Variants in SYNPR observed in about 807,000 individuals in gnomAD.
The protein encoded by SYNPR is synaptoporin.
Under a neutral mutation model 32.9 loss-of-function variants are expected in SYNPR, and 23 were observed. That is an observed-to-expected ratio of 0.70 (90% CI 0.50 to 0.99). SYNPR has a LOEUF of 0.99. SYNPR is among the 50% of genes least tolerant of loss of function. The probability of loss-of-function intolerance (pLI) is 0.00; values close to 1 mark genes in which losing one functional copy is unlikely to be tolerated. For missense variants in SYNPR, 318 were observed against 349.3 expected (o/e 0.91, Z 0.71); for synonymous variants, 146 against 135.9 (o/e 1.07, Z -0.52).
chr3:63,399,659 A>T (rs2088263103), intron 2 of SYNPR, among the ~76,000 whole-genome samples: 2 of 152,098 alleles, frequency 1.3e-5, no homozygotes, highest in African/African-American at 2.4e-5. Flanking sequence ...ATCTGGGGGG[A>T]TACAAACATT....
Position 63,466,913 on chromosome 3 carries a change from G to A in SYNPR, c.85-13919G>A, listed in dbSNP as rs111441345. Among the ~76,000 whole-genome samples, 1,197 of 152,066 alleles carry A rather than the reference G, an allele frequency of 7.9e-3. 18 individuals carry two copies. The highest frequency in any genetic ancestry group is 0.027 in the African/African-American group (1,108 of 41,500). On this transcript the variant is annotated intron_variant, in intron 2 of 5. Transcript: ENST00000478300. ...GGACTTTGACATGCAAATTTGGGAG[G>A]GATACAAACACTCAGTCCAAAACAA...
At chr3:63,225,189 A>G (rs184376571), upstream of SYNPR, among the ~76,000 whole-genome samples, 1 of 152,308 alleles carries the variant, frequency 6.6e-6, no homozygotes. Flanking sequence ...GGAAGCAGGG[A>G]CTTAATGTAT....
intron 2 of SYNPR, among the ~76,000 whole-genome samples, chr3:63,392,632 A>G (rs751192281): frequency 2.0e-4 from 30 of 152,180 alleles, no homozygotes; most frequent in Non-Finnish European, 1.8e-4. Context: ...GAATTCGGTT[A>G]TACTCCAGAT....
chr3:63,499,356 A>G (rs1302661932), intron 3 of SYNPR, among the ~76,000 whole-genome samples: 1 of 152,116 alleles, frequency 6.6e-6, no homozygotes, highest in Non-Finnish European at 1.5e-5. Flanking sequence ...TATTAGATGC[A>G]ATAGTTTTTT....
rs2106912809 is a variant in SYNPR at position 63,615,581 on chromosome 3, T to C, written c.*100T>C. Reference sequence around the variant, plus strand: ...TTCAATCAATTATTAATGCAGAGAGTATTGAATGTAAATCAGAGCTCTCTA... The same window carrying C: ...TTCAATCAATTATTAATGCAGAGAGCATTGAATGTAAATCAGAGCTCTCTA... On this transcript the variant is annotated 3_prime_UTR_variant, in exon 6 of 6. Coordinates refer to ENST00000478300, the MANE Select transcript of SYNPR (RefSeq NM_001130003.2). 6.9e-7 allele frequency: 1 copy of C among 1,440,402 alleles called. No homozygotes were observed. The highest frequency in any genetic ancestry group is 9.3e-7 in the Non-Finnish European group (1 of 1,075,440). 89.2% of individuals were successfully genotyped at this position (1,440,402 alleles called of 1,614,324 possible). A position where few individuals can be genotyped will look rare whatever the true frequency, so the allele number is the denominator to read the frequency against.
At chr3:63,247,133 A>G (rs2086298429) in intron 1 of SYNPR, among the ~76,000 whole-genome samples, 1 of 152,052 alleles carries the variant, frequency 6.6e-6, no homozygotes. Flanking sequence ...AATGTTAGCT[A>G]TTTTTAGGGG....
At chr3:63,298,205 A>C (rs559204768) in intron 2 of SYNPR, among the ~76,000 whole-genome samples, 5 of 152,282 alleles carry the variant, frequency 3.3e-5, no homozygotes, top group Admixed American at 3.3e-4. Context: ...TACACTCAGG[A>C]ATGAGCAAGG....
At chr3:63,351,203 A>T (rs2087502885) in intron 2 of SYNPR, among the ~76,000 whole-genome samples, 1 of 152,212 alleles carries the variant, frequency 6.6e-6, no homozygotes, top group Non-Finnish European at 1.5e-5. Context: ...CCCTCAGAAC[A>T]GATAAGCACC....
intron 2 of SYNPR, among the ~76,000 whole-genome samples, chr3:63,476,130 G>GA (rs1236601339): frequency 2.6e-5 from 1 of 37,988 alleles, no homozygotes; most frequent in African/African-American, 1.7e-4. Flanking sequence ...AGGAAGGAAG[G>GA]AAGGAAGGAA....
At chr3:63,564,531 T>C (rs988205726) in intron 4 of SYNPR, among the ~76,000 whole-genome samples, 9 of 152,058 alleles carry the variant, frequency 5.9e-5, no homozygotes, top group Admixed American at 5.2e-4. Flanking sequence ...ACCTCCTCAC[T>C]CTCTGAGATA....
chr3:63,299,129 A>C (rs1318063745), intron 2 of SYNPR, among the ~76,000 whole-genome samples: 1 of 152,174 alleles, frequency 6.6e-6, no homozygotes, highest in Non-Finnish European at 1.5e-5. Context: ...TGGGGATTGC[A>C]AGAAGCAATA....
chr3:63,235,157 G>A (rs536493286), intron 1 of SYNPR, among the ~76,000 whole-genome samples: 70 of 152,170 alleles, frequency 4.6e-4, no homozygotes, highest in African/African-American at 1.6e-3. Flanking sequence ...ACAACATTTA[G>A]CATCACCACA....
chr3:63,416,801 T>C (rs145350876), intron 2 of SYNPR, among the ~76,000 whole-genome samples: 4,979 of 152,064 alleles, frequency 0.033, 276 homozygotes, highest in African/African-American at 0.11. Context: ...CCATCAGATC[T>C]CATGAGACTT....
rs142429583 is a variant in SYNPR, at chr3:63,416,461, C to T, written c.85-64371C>T. Among the ~76,000 whole-genome samples, 791 of 141,952 alleles carry T rather than the reference C, an allele frequency of 5.6e-3. 7 individuals are homozygous for T. Among genetic ancestry groups the T allele is most frequent in the African/African-American group, 0.019 (718 of 38,254 alleles). The allele number at this position is 141,952 out of a possible 152,430, so 93.1% of individuals were successfully genotyped here. The stretch of plus-strand genomic sequence containing the variant: ...GTGGGCGAATTGCTTGAACCCGGGA[C>T]GTGGAGGTTTCAGTGAGCTGAGATT... On this transcript the variant is annotated intron_variant, in intron 2 of 5. Coordinates refer to ENST00000478300, the MANE Select transcript of SYNPR (RefSeq NM_001130003.2).
At chr3:63,558,720 G>A (rs1702633415) in intron 4 of SYNPR, among the ~76,000 whole-genome samples, 1 of 151,952 alleles carries the variant, frequency 6.6e-6, no homozygotes, top group Non-Finnish European at 1.5e-5. Flanking sequence ...AATACTTGTA[G>A]TGATCACTCA....
chr3:63,424,557 A>G (rs558269429), intron 2 of SYNPR, among the ~76,000 whole-genome samples: 5 of 152,346 alleles, frequency 3.3e-5, no homozygotes, highest in African/African-American at 9.6e-5. Flanking sequence ...ATTTTATTGT[A>G]GTTATTGTAT....
chr3:63,404,548 G>T (rs1165322930), intron 2 of SYNPR, among the ~76,000 whole-genome samples: 2 of 151,832 alleles, frequency 1.3e-5, no homozygotes, highest in Non-Finnish European at 2.9e-5. Flanking sequence ...CTTAGAACTG[G>T]GTCAGACTGC....
intron 2 of SYNPR, among the ~76,000 whole-genome samples, chr3:63,467,725 G>A (rs1018681564): frequency 6.6e-6 from 1 of 152,170 alleles, no homozygotes; most frequent in Admixed American, 6.5e-5. Context: ...TGGAATGTCT[G>A]CTCTTGTATT....
rs75992751 is a variant in SYNPR at position 63,324,998 on chromosome 3, T to G, written c.84+46256T>G. ...CATTTTTCCCTCATAATGCCTCAGT[T>G]ACACTAACTCAGGTTGAGAATGGTG... On this transcript the variant is annotated intron_variant, in intron 2 of 5. Coordinates refer to ENST00000478300, the MANE Select transcript of SYNPR (RefSeq NM_001130003.2). Among the ~76,000 whole-genome samples the G allele has an allele frequency of 3.0e-4, 46 of 152,254 alleles. 1 individual carries two copies. The East Asian group carries it at 8.5e-3, about 28-fold the overall frequency.
Sources: gnomAD v4.1 joint callset for allele counts (sites outside exome capture counted in the v4.1 genomes callset) on GRCh38, gnomAD v4.1.1 for gene constraint, MANE v1.5 for transcripts, NCBI Gene and HGNC (gene_info 2026-07-23, HGNC 2026-07-21) for gene names.